Variants in TRPC6 observed in about 807,000 individuals in gnomAD.
TRPC6 encodes transient receptor potential cation channel subfamily C member 6.
Under a neutral mutation model 90.7 loss-of-function variants are expected in TRPC6, and 55 were observed. The observed-to-expected ratio is 0.61, with a 90% confidence interval of 0.49 to 0.76. TRPC6 has a LOEUF of 0.76. Ranked by LOEUF, TRPC6 falls within the 30% of genes least tolerant of loss-of-function variation. The probability of loss-of-function intolerance (pLI) is 0.00; values close to 1 mark genes in which losing one functional copy is unlikely to be tolerated. For synonymous variants in TRPC6, 393 were observed against 393.0 expected (o/e 1.00, Z 0.00); for missense variants, 989 against 1,122.7 (o/e 0.88, Z 1.70).
At chr11:101,558,046 G>A (rs1043593559) in intron 1 of TRPC6, among the ~76,000 whole-genome samples, 2 of 151,606 alleles carry the variant, frequency 1.3e-5, no homozygotes, top group Non-Finnish European at 2.9e-5. Context: ...AATTCATATG[G>A]AACTGCAAAA....
chr11:101,463,869 G>A (rs1859069267), intron 10 of TRPC6, among the ~76,000 whole-genome samples: 2 of 152,036 alleles, frequency 1.3e-5, no homozygotes, highest in Admixed American at 6.6e-5. Flanking sequence ...GTTTGCTCTT[G>A]TTTCTCTAGT....
At chr11:101,492,192 T>C (rs2136709220) in intron 2 of TRPC6, among the ~76,000 whole-genome samples, 1 of 152,264 alleles carries the variant, frequency 6.6e-6, no homozygotes, top group African/African-American at 2.4e-5. Context: ...TCAATTGCAG[T>C]TTCTGCTGAC....
chr11:101,564,859 T>A (rs959586367), intron 1 of TRPC6, among the ~76,000 whole-genome samples: 3 of 152,042 alleles, frequency 2.0e-5, no homozygotes, highest in Non-Finnish European at 4.4e-5. Context: ...TGGTACTGAT[T>A]TAAAAACAGA....
intron 1 of TRPC6, among the ~76,000 whole-genome samples, chr11:101,565,566 G>A (rs904061272): frequency 1.3e-5 from 2 of 151,994 alleles, no homozygotes; most frequent in East Asian, 1.9e-4. Context: ...AAACTGGAAG[G>A]GGAATTTTTT....
intron 1 of TRPC6, among the ~76,000 whole-genome samples, chr11:101,548,309 T>C (rs1020935455): frequency 7.7e-5 from 10 of 129,184 alleles, no homozygotes; most frequent in African/African-American, 1.7e-4. Flanking sequence ...TGAAATACAA[T>C]ATAATATATA....
Position 101,521,923 on chromosome 11 carries a change from C to T in TRPC6, c.171-17125G>A, listed in dbSNP as rs117286940. 1.7e-3 allele frequency among the ~76,000 whole-genome samples: 265 copies of T among 152,306 alleles called. 9 individuals carry two copies. The East Asian group carries it at 0.046, about 26-fold the overall frequency. ...CAGATGTATTTACCCAATGCCTGTACCCCTGTCGCATCTTGGAAGTAAGTA... is the reference window on the plus strand; with the variant it reads ...CAGATGTATTTACCCAATGCCTGTATCCCTGTCGCATCTTGGAAGTAAGTA... On this transcript the variant is annotated intron_variant, in intron 1 of 12. Coordinates refer to ENST00000344327, the MANE Select transcript of TRPC6 (RefSeq NM_004621.6).
chr11:101,476,515 A>G lies in TRPC6; in HGVS notation c.1530T>C (p.Cys510=). The change falls in exon 6 of 13, where the codon TGT becomes TGC. Residue 510 remains cysteine, a synonymous_variant. Coordinates refer to ENST00000344327, the MANE Select transcript of TRPC6 (RefSeq NM_004621.6). ...TGGGGCCCTGAGTCCAGATTTCTTT[A>G]CATTCAGCCCATATCATGCCTGCAT... The part of the protein sequence containing the change: ...SWVIGMIWAE[C]KEIWTQGPKE... 1 of 1,614,074 alleles carries G rather than the reference A, an allele frequency of 6.2e-7. No homozygotes were observed. The highest frequency in any genetic ancestry group is 8.5e-7 in the Non-Finnish European group (1 of 1,179,936).
At chr11:101,490,521 A>G (rs1859780061) in intron 3 of TRPC6, among the ~76,000 whole-genome samples, 1 of 152,206 alleles carries the variant, frequency 6.6e-6, no homozygotes, top group Non-Finnish European at 1.5e-5. Flanking sequence ...GCAGGAAATG[A>G]TCTTGGCTCA....
intron 5 of TRPC6, among the ~76,000 whole-genome samples, chr11:101,478,244 G>A (rs1336619371): frequency 6.6e-6 from 1 of 152,212 alleles, no homozygotes; most frequent in African/African-American, 2.4e-5. Flanking sequence ...ATGGATTTAA[G>A]AGAAGACTTC....
chr11:101,553,137 G>A (rs993450980), intron 1 of TRPC6, among the ~76,000 whole-genome samples: 7 of 152,062 alleles, frequency 4.6e-5, no homozygotes, highest in Non-Finnish European at 1.0e-4. Context: ...ATCAGTGCCA[G>A]TCCCCTCTTT....
chr11:101,503,881 A>T, intron 2 of TRPC6, 143 bp downstream of exon 2: 1 of 1,042,236 alleles, frequency 9.6e-7, no homozygotes, highest in Non-Finnish European at 1.5e-6. Context: ...TACAATGATT[A>T]TAATAAAGAG....
At chr11:101,464,695 G>A (rs1859100609) in intron 10 of TRPC6, among the ~76,000 whole-genome samples, 2 of 152,004 alleles carry the variant, frequency 1.3e-5, no homozygotes, top group Non-Finnish European at 2.9e-5. Context: ...CTTTGCATGT[G>A]AGATGGGTCT....
At position 101,583,417 on chromosome 11, in the gene TRPC6, C is replaced by G; in HGVS notation, c.87G>C (p.Gln29His). 1 of 1,573,544 alleles carries G rather than the reference C, an allele frequency of 6.4e-7. No individual in the cohort carries two copies. Among genetic ancestry groups the G allele is most frequent in the Non-Finnish European group, 8.6e-7 (1 of 1,159,342 alleles). ...GCTCCGAGTCCATGAGCAGATAGTC[C>G]TGGCTCTCGTTGCGCCGCGCAGCGG... ...AGAAARRNES[Q>H]DYLLMDSELG... The change falls in exon 1 of 13, where the codon CAG becomes CAC. Residue 29 changes from glutamine to histidine, a missense_variant. Transcript: ENST00000344327.
intron 1 of TRPC6, among the ~76,000 whole-genome samples, chr11:101,563,792 A>G (rs1591140632): frequency 6.6e-6 from 1 of 152,324 alleles, no homozygotes; most frequent in South Asian, 2.1e-4. Flanking sequence ...CAGAGGGGCT[A>G]TAAAGCCAAG....
chr11:101,491,128 A>G (rs1424012751), intron 3 of TRPC6, among the ~76,000 whole-genome samples: 1 of 152,192 alleles, frequency 6.6e-6, no homozygotes, highest in Non-Finnish European at 1.5e-5. Context: ...GATTTGTTAG[A>G]GAATCTGCCT....
chr11:101,568,055 T>G (rs2136879641), intron 1 of TRPC6, among the ~76,000 whole-genome samples: 1 of 152,232 alleles, frequency 6.6e-6, no homozygotes, highest in South Asian at 2.1e-4. Flanking sequence ...AGAAGGTGGG[T>G]AATAACAAAC....
At position 101,548,280 on chromosome 11, in the gene TRPC6, A is replaced by ATATATATATATATATATAATT. The variant is rs71303295; in HGVS notation, c.170+35053_170+35054insAATTATATATATATATATATA. On this transcript the variant is annotated intron_variant, in intron 1 of 12. Transcript: ENST00000344327. ...ATATATACATATATATATAATTTAT[A>ATATATATATATATATATAATT]TATATAATTATATATAATTGAAATA... is the stretch of plus-strand genomic sequence containing the variant. Among the ~76,000 whole-genome samples, 143 of 135,430 alleles carry ATATATATATATATATATAATT rather than the reference A, an allele frequency of 1.1e-3. 6 individuals carry two copies. The highest frequency in any genetic ancestry group is 3.8e-3 in the Middle Eastern group (1 of 266). The allele number at this position is 135,430 out of a possible 152,430, so 88.8% of individuals were successfully genotyped here.
chr11:101,503,934 C>G (rs1051933553), intron 2 of TRPC6, 90 bp downstream of exon 2: 9 of 1,513,658 alleles, frequency 5.9e-6, no homozygotes, highest in Admixed American at 1.7e-5. Context: ...TCCACAGTAA[C>G]TAGCACAGTG....
In TRPC6 at chr11:101,498,967, A is replaced by G. The variant is rs139419236; in HGVS notation, c.945+5057T>C. 4.3e-3 allele frequency among the ~76,000 whole-genome samples: 656 copies of G among 152,254 alleles called. 5 individuals carry two copies. Among genetic ancestry groups the G allele is most frequent in the African/African-American group, 0.015 (628 of 41,534 alleles). ...TCTGCTGAAGATGAAGCTTAATGATAGAAATGCAGCACCTTGGCTCATGTT... is the reference window on the plus strand; with the variant it reads ...TCTGCTGAAGATGAAGCTTAATGATGGAAATGCAGCACCTTGGCTCATGTT... On this transcript the variant is annotated intron_variant, in intron 2 of 12. Transcript: ENST00000344327.
Sources: gnomAD v4.1 joint callset for allele counts (sites outside exome capture counted in the v4.1 genomes callset) on GRCh38, gnomAD v4.1.1 for gene constraint, MANE v1.5 for transcripts, NCBI Gene and HGNC (gene_info 2026-07-23, HGNC 2026-07-21) for gene names.